Variants in STARD8 observed in about 807,000 individuals in gnomAD.
STARD8 encodes the protein StAR related lipid transfer domain containing 8, also known as stAR-related lipid transfer protein 8.
A neutral mutation model predicts 69.4 loss-of-function variants in STARD8; 25 were observed. That is an observed-to-expected ratio of 0.36 (90% CI 0.26 to 0.50). The LOEUF (loss-of-function observed/expected upper bound fraction) is 0.50, where lower values mean the gene tolerates loss of function less well. Among genes scored for constraint, STARD8 ranks in the 20% least tolerant of loss-of-function variants. The pLI is 0.96. For synonymous variants in STARD8, 389 were observed against 374.6 expected (o/e 1.04, Z -0.45); for missense variants, 921 against 932.5 (o/e 0.99, Z 0.16).
At position 68,669,880 on chromosome X, in the gene STARD8, A is replaced by G. The variant is rs139240950; in HGVS notation, c.79+4348A>G. ...AGGGCAGTAGACAAAAATACTAAGC[A>G]TATGAAAGTCATCAGAATAATAATA... is the stretch of plus-strand genomic sequence containing the variant. On this transcript the variant is annotated intron_variant, in intron 2 of 14. Transcript: ENST00000374599. 3.8e-4 allele frequency among the ~76,000 whole-genome samples: 43 copies of G among 112,812 alleles called. No homozygotes were observed. The East Asian group carries it at 7.2e-3, about 19-fold the overall frequency.
At chrX:68,662,053 G>T (rs1412008361) in intron 1 of STARD8, among the ~76,000 whole-genome samples, 3 of 102,196 alleles carry the variant, frequency 2.9e-5, no homozygotes. Flanking sequence ...TGTTGCCCAG[G>T]CTGGAGTGCC....
chrX:68,722,136 TC>T lies in STARD8; in HGVS notation c.2550del (p.Ser851ValfsTer44). The T allele has an allele frequency of 8.3e-7, 1 of 1,205,131 alleles. No individual in the cohort carries two copies. On this transcript the variant is annotated frameshift_variant, in exon 11 of 15. Coordinates refer to ENST00000374599, the MANE Select transcript of STARD8 (RefSeq NM_001142503.3). LOFTEE classifies it high-confidence loss of function. ...GCCACCCAGGGCCTGTCGCACATGATCAGTGACTGCAAGAAACTTTTCCAGG... is the reference window on the plus strand; with the variant it reads ...GCCACCCAGGGCCTGTCGCACATGATAGTGACTGCAAGAAACTTTTCCAGG... ...MAATQGLSHM[I>X]SDCKKLFQVP...
Position 68,647,873 on chromosome X carries a change from A to T in STARD8, c.-10A>T. 6 of 1,196,572 alleles carry T rather than the reference A, an allele frequency of 5.0e-6. No individual in the cohort carries two copies. The highest frequency in any genetic ancestry group is 6.8e-6 in the Non-Finnish European group (6 of 888,100). ...GCCCCGCCGGCCCTAGAAGCTCCCCACGCGCCACCATGCCTCTGCTGGACG... is the reference window on the plus strand; with the variant it reads ...GCCCCGCCGGCCCTAGAAGCTCCCCTCGCGCCACCATGCCTCTGCTGGACG... On this transcript the variant is annotated 5_prime_UTR_variant, in exon 1 of 15. Transcript: ENST00000374599.
intron 2 of STARD8, among the ~76,000 whole-genome samples, chrX:68,678,179 G>A (rs767364966): frequency 2.5e-4 from 28 of 111,531 alleles, no homozygotes; most frequent in Non-Finnish European, 4.3e-4. Flanking sequence ...GGTCAAAGAA[G>A]AGATGAGTGT....
At chrX:68,712,344 G>C (rs1424368170) in intron 2 of STARD8, among the ~76,000 whole-genome samples, 2 of 112,634 alleles carry the variant, frequency 1.8e-5, no homozygotes, top group Admixed American at 1.9e-4. Flanking sequence ...GAGACCATAG[G>C]CTGAGCCTGT....
chrX:68,695,382 C>CT (rs35670620), intron 2 of STARD8, among the ~76,000 whole-genome samples: 1 of 111,110 alleles, frequency 9.0e-6, no homozygotes, highest in East Asian at 2.8e-4. Context: ...GGGACGTGGC[C>CT]TTTTGTTAAT....
chrX:68,653,330 A>C (rs1488672421), intron 1 of STARD8, among the ~76,000 whole-genome samples: 5 of 19,176 alleles, frequency 2.6e-4, no homozygotes, highest in African/African-American at 3.9e-4. Context: ...ACACACACAC[A>C]CCCCACACAC....
At chrX:68,666,533 T>C (rs1232715492) in intron 2 of STARD8, among the ~76,000 whole-genome samples, 4 of 112,303 alleles carry the variant, frequency 3.6e-5, no homozygotes, top group African/African-American at 1.3e-4. Context: ...GGAGCTGGTT[T>C]GGGCGAATCA....
chrX:68,723,754 G>T lies in STARD8; in HGVS notation c.2928G>T (p.Val976=), dbSNP rs1162422761. The T allele has an allele frequency of 8.5e-7, 1 of 1,181,628 alleles. No homozygotes were observed. The highest frequency in any genetic ancestry group is 1.1e-6 in the Non-Finnish European group (1 of 880,752). Residue 976 remains valine (V), a synonymous_variant, in exon 13 of 15, where the codon GTG becomes GTT. Transcript: ENST00000374599. ...LWDEDLLRAQ[V]LEALMPGVEL... ...ATGAGGATCTGCTGCGGGCCCAGGT[G>T]CTGGAAGCCCTGATGCCGGGTGTGG...
chrX:68,716,482 C>A (rs754805712), intron 5 of STARD8, 51 bp downstream of exon 5: 36 of 1,143,150 alleles, frequency 3.1e-5, no homozygotes, highest in Non-Finnish European at 4.2e-5. Flanking sequence ...CATAAGGAAA[C>A]CCAGGGCATA....
chrX:68,689,424 T>G (rs1300837518), intron 2 of STARD8, among the ~76,000 whole-genome samples: 1 of 110,397 alleles, frequency 9.1e-6, no homozygotes, highest in Non-Finnish European at 1.9e-5. Context: ...GCCCGGGGGG[T>G]CTACTGAGTG....
chrX:68,718,121 G>C lies in STARD8; in HGVS notation c.1207G>C (p.Glu403Gln). The C allele has an allele frequency of 8.3e-7, 1 of 1,212,006 alleles. No homozygotes were observed. The highest frequency in any genetic ancestry group is 1.1e-6 in the Non-Finnish European group (1 of 895,513). Residue 403 changes from glutamate to glutamine, a missense_variant, in exon 6 of 15, where the codon GAG becomes CAG. By Grantham distance (29) the Glu-to-Gln change is conservative. Transcript: ENST00000374599. ...CGTGTGGGGGCTACAGCAACGAGTAGAGCTGTGGTCTCGGGCCATGTACCC... is the reference window on the plus strand; with the variant it reads ...CGTGTGGGGGCTACAGCAACGAGTACAGCTGTGGTCTCGGGCCATGTACCC... ...QHVWGLQQRV[E>Q]LWSRAMYPDL...
chrX:68,652,857 C>CCA, intron 1 of STARD8, among the ~76,000 whole-genome samples: 1 of 24,118 alleles, frequency 4.1e-5, no homozygotes, highest in African/African-American at 1.7e-4. Context: ...ACACACCACA[C>CCA]CACACACACA....
chrX:68,704,522 G>T (rs1448916891), intron 2 of STARD8, among the ~76,000 whole-genome samples: 1 of 111,220 alleles, frequency 9.0e-6, no homozygotes, highest in Non-Finnish European at 1.9e-5. Flanking sequence ...AGTAATCCAG[G>T]CAGGAGAACC....
intron 2 of STARD8, among the ~76,000 whole-genome samples, chrX:68,688,698 A>G (rs35574051): frequency 0.012 from 1,274 of 108,804 alleles, 16 homozygotes; most frequent in African/African-American, 0.035. Flanking sequence ...GCTGGGGGCA[A>G]AGACCAGGGC....
chrX:68,722,001 G>T (rs373043838), intron 10 of STARD8, 46 bp from the exon 11 acceptor site: 61 of 1,099,745 alleles, frequency 5.5e-5, no homozygotes, highest in Non-Finnish European at 1.2e-6. Flanking sequence ...ATCTTGTCTT[G>T]TGCTCTTGTG....
chrX:68,709,529 TG>T (rs1216077635), intron 2 of STARD8, among the ~76,000 whole-genome samples: 1 of 111,942 alleles, frequency 8.9e-6, no homozygotes, highest in African/African-American at 3.2e-5. Flanking sequence ...GGATGCTGGC[TG>T]GGTGTGGTGG....
intron 2 of STARD8, among the ~76,000 whole-genome samples, chrX:68,673,891 T>C (rs994984624): frequency 3.6e-5 from 4 of 112,483 alleles, no homozygotes; most frequent in South Asian, 3.7e-4. Flanking sequence ...TCCTAGAAGA[T>C]GCTTCCAAGA....
intron 12 of STARD8, among the ~76,000 whole-genome samples, chrX:68,723,153 G>A (rs1267367087): frequency 8.9e-6 from 1 of 112,754 alleles, no homozygotes; most frequent in African/African-American, 3.2e-5. Context: ...TGGATTCTGA[G>A]TAAGATTGCA....
Sources: allele counts gnomAD v4.1 joint callset (sites outside exome capture counted in the v4.1 genomes callset), GRCh38; gene constraint gnomAD v4.1.1; transcripts MANE v1.5; gene names NCBI Gene and HGNC (gene_info 2026-07-23, HGNC 2026-07-21).